Variants in ARHGAP15 observed in about 807,000 individuals in gnomAD.
The protein encoded by ARHGAP15 is rho GTPase-activating protein 15.
A neutral mutation model predicts 63.7 loss-of-function variants in ARHGAP15; 51 were observed. That is an observed-to-expected ratio of 0.80 (90% CI 0.64 to 1.01). ARHGAP15 has a LOEUF of 1.01. Among genes scored for constraint, ARHGAP15 ranks in the 50% least tolerant of loss-of-function variants. The probability of loss-of-function intolerance (pLI) is 0.00; values close to 1 mark genes in which losing one functional copy is unlikely to be tolerated. For missense variants in ARHGAP15, 560 were observed against 564.6 expected, an observed-to-expected ratio of 0.99 and a Z score of 0.08; for synonymous variants, 191 against 193.8, an observed-to-expected ratio of 0.99 and a Z score of 0.12.
chr2:143,590,110 A>G (rs930805366), intron 11 of ARHGAP15, among the ~76,000 whole-genome samples: 2 of 152,276 alleles, frequency 1.3e-5, no homozygotes, highest in South Asian at 2.1e-4. Context: ...CTGAATGTCC[A>G]TACCCCAGCT....
At chr2:143,439,868 A>C (rs1292870523) in intron 8 of ARHGAP15, among the ~76,000 whole-genome samples, 3 of 152,144 alleles carry the variant, frequency 2.0e-5, no homozygotes, top group African/African-American at 7.2e-5. Context: ...GATTCATAGA[A>C]ATCAGTAAAC....
At chr2:143,317,104 C>T (rs1484904001) in intron 6 of ARHGAP15, among the ~76,000 whole-genome samples, 1 of 152,124 alleles carries the variant, frequency 6.6e-6, no homozygotes. Context: ...CCTCATCACT[C>T]TTTGTAAGCA....
intron 8 of ARHGAP15, among the ~76,000 whole-genome samples, chr2:143,449,539 G>A (rs1479986168): frequency 6.6e-6 from 1 of 151,962 alleles, no homozygotes; most frequent in Non-Finnish European, 1.5e-5. Context: ...TTAAAATTCT[G>A]GATGAGCAGC....
intron 6 of ARHGAP15, among the ~76,000 whole-genome samples, chr2:143,289,508 A>G (rs1682282886): frequency 6.6e-6 from 1 of 152,148 alleles, no homozygotes; most frequent in Non-Finnish European, 1.5e-5. Context: ...ATGAATTTCA[A>G]ATCTTTGTGG....
chr2:143,519,291 C>A lies in ARHGAP15; in HGVS notation c.852C>A (p.His284Gln), dbSNP rs2104983113. The stretch of plus-strand genomic sequence containing the variant: ...ATCAAATTTTTGGCTCTCATCTGCA[C>A]AAAGTGTGTGAACGTGAAAATTCCA... ...IKDQIFGSHLHKVCERENSTV... is the reference protein window; with the variant it reads ...IKDQIFGSHLQKVCERENSTV... Residue 284 changes from histidine to glutamine, a missense_variant, in exon 10 of 14, where the codon CAC (histidine) becomes CAA (glutamine). Transcript: ENST00000295095. 6.2e-7 allele frequency: 1 copy of A among 1,613,188 alleles called. No individual in the cohort carries two copies. The highest frequency in any genetic ancestry group is 2.2e-5 in the East Asian group (1 of 44,830).
At chr2:143,451,312 C>T (rs1453661804) in intron 8 of ARHGAP15, among the ~76,000 whole-genome samples, 1 of 151,798 alleles carries the variant, frequency 6.6e-6, no homozygotes, top group African/African-American at 2.4e-5. Flanking sequence ...TTGTGGAGAA[C>T]AGAAGCTATA....
At chr2:143,435,296 A>G in intron 6 of ARHGAP15, 1 of 1,041,798 alleles carries the variant, frequency 9.6e-7, no homozygotes. Flanking sequence ...TTAAGTGTGT[A>G]CTGTCTGCAG....
At chr2:143,717,512 C>A (rs1684860644) in intron 13 of ARHGAP15, among the ~76,000 whole-genome samples, 1 of 152,212 alleles carries the variant, frequency 6.6e-6, no homozygotes, top group Non-Finnish European at 1.5e-5. Flanking sequence ...CAAATGAAAA[C>A]CTCAGCCATT....
At chr2:143,749,992 G>A (rs772154342) in intron 13 of ARHGAP15, among the ~76,000 whole-genome samples, 3 of 152,068 alleles carry the variant, frequency 2.0e-5, no homozygotes, top group Non-Finnish European at 4.4e-5. Context: ...TCTGAGTCCC[G>A]GGTCTCAACC....
At chr2:143,558,114 C>T (rs1362682769) in intron 11 of ARHGAP15, among the ~76,000 whole-genome samples, 1 of 152,106 alleles carries the variant, frequency 6.6e-6, no homozygotes, top group Non-Finnish European at 1.5e-5. Context: ...AACTCCAAAT[C>T]CTTGTACTCT....
chr2:143,202,440 A>T (rs1180759542), intron 3 of ARHGAP15, among the ~76,000 whole-genome samples: 1 of 152,064 alleles, frequency 6.6e-6, no homozygotes, highest in Non-Finnish European at 1.5e-5. Context: ...AAGCTCACTT[A>T]TGTGGTTGTT....
intron 8 of ARHGAP15, among the ~76,000 whole-genome samples, chr2:143,457,233 A>T (rs1455154367): frequency 6.6e-6 from 1 of 152,118 alleles, no homozygotes; most frequent in East Asian, 1.9e-4. Flanking sequence ...ATAGACCAAC[A>T]TCCAAAAAAT....
intron 2 of ARHGAP15, among the ~76,000 whole-genome samples, chr2:143,183,777 A>C (rs183257248): frequency 6.8e-6 from 1 of 146,902 alleles, no homozygotes; most frequent in East Asian, 2.0e-4. Context: ...AATTTTGTTT[A>C]CTGGAAGCAA....
At chr2:143,532,194 C>T (rs7607879) in intron 10 of ARHGAP15, among the ~76,000 whole-genome samples, 121,146 of 152,078 alleles carry the variant, frequency 0.8, 48,413 homozygotes, top group South Asian at 0.84. Context: ...CATAATGCAT[C>T]CTTATGAGAG....
At chr2:143,577,455 A>G (rs1696720122) in intron 11 of ARHGAP15, among the ~76,000 whole-genome samples, 2 of 152,042 alleles carry the variant, frequency 1.3e-5, no homozygotes, top group South Asian at 4.1e-4. Flanking sequence ...TTTTTCCTTT[A>G]TGTAACTGGA....
At chr2:143,216,327 C>A in intron 3 of ARHGAP15, 57 bp from the exon 4 acceptor site, 3 of 1,319,490 alleles carry the variant, frequency 2.3e-6, no homozygotes, top group South Asian at 2.5e-5. Context: ...TAGGTTTATT[C>A]AAATCAACAA....
intron 12 of ARHGAP15, among the ~76,000 whole-genome samples, chr2:143,655,735 A>G (rs1020960839): frequency 6.6e-6 from 1 of 152,234 alleles, no homozygotes; most frequent in Non-Finnish European, 1.5e-5. Context: ...TACATAGACC[A>G]AAAACAAGAA....
At chr2:143,485,727 A>G (rs1046606581) in intron 8 of ARHGAP15, among the ~76,000 whole-genome samples, 1 of 152,144 alleles carries the variant, frequency 6.6e-6, no homozygotes, top group African/African-American at 2.4e-5. Context: ...ATGCTGTTCC[A>G]TATCCTACAC....
chr2:143,202,295 A>AT, intron 3 of ARHGAP15, 93 bp downstream of exon 3: 4 of 1,028,158 alleles, frequency 3.9e-6, no homozygotes, highest in Non-Finnish European at 6.1e-6. Flanking sequence ...TTATTATCTC[A>AT]TTTTTCTGTG....
Sources: allele counts gnomAD v4.1 joint callset (sites outside exome capture counted in the v4.1 genomes callset), GRCh38; gene constraint gnomAD v4.1.1; transcripts MANE v1.5; gene names NCBI Gene and HGNC (gene_info 2026-07-23, HGNC 2026-07-21).